NLGN1: variants seen among roughly 807,000 people sequenced by gnomAD.
NLGN1 encodes neuroligin 1, also known as neuroligin-1.
In NLGN1, 12 loss-of-function variants were observed where a neutral mutation model predicts 65.5. The ratio of observed to expected loss-of-function variants is 0.18; its 90% CI spans 0.12 to 0.30. The LOEUF is 0.30. Ranked by LOEUF, NLGN1 falls within the 10% of genes least tolerant of loss-of-function variation. The probability of loss-of-function intolerance (pLI) is 1.00; values close to 1 mark genes in which losing one functional copy is unlikely to be tolerated. For synonymous variants in NLGN1, 350 were observed against 359.5 expected (o/e 0.97, Z 0.30); for missense variants, 750 against 1,007.1 (o/e 0.74, Z 3.46).
At chr3:173,654,748 A>G (rs1560113058) in intron 3 of NLGN1, among the ~76,000 whole-genome samples, 1 of 152,180 alleles carries the variant, frequency 6.6e-6, no homozygotes, top group Admixed American at 6.6e-5. Flanking sequence ...TAAAATCAGC[A>G]TCTATAGATA....
intron 4 of NLGN1, among the ~76,000 whole-genome samples, chr3:174,231,745 A>C (rs1023026718): frequency 6.6e-6 from 1 of 152,094 alleles, no homozygotes; most frequent in Non-Finnish European, 1.5e-5. Context: ...TTAGCCTGGC[A>C]TGTTGCTCCC....
At chr3:174,208,926 T>C (rs577820157) in intron 4 of NLGN1, among the ~76,000 whole-genome samples, 1 of 152,230 alleles carries the variant, frequency 6.6e-6, no homozygotes, top group Non-Finnish European at 1.5e-5. Context: ...TTTTCTGTTG[T>C]TGTTGTTTCT....
intron 4 of NLGN1, among the ~76,000 whole-genome samples, chr3:174,201,491 G>T (rs554960613): frequency 2.6e-5 from 4 of 152,260 alleles, no homozygotes; most frequent in Middle Eastern, 3.4e-3. Flanking sequence ...CTGATTCTGG[G>T]TCTCCCACCT....
chr3:173,812,725 T>C (rs1446873010), intron 4 of NLGN1, among the ~76,000 whole-genome samples: 2 of 145,828 alleles, frequency 1.4e-5, no homozygotes, highest in African/African-American at 2.5e-5. Flanking sequence ...TGTGTGTATA[T>C]ACACGCACAC....
intron 3 of NLGN1, among the ~76,000 whole-genome samples, chr3:173,614,294 T>C (rs561340657): frequency 6.6e-6 from 1 of 152,198 alleles, no homozygotes; most frequent in East Asian, 1.9e-4. Context: ...TGTCGAGTAG[T>C]AGTAACTATA....
intron 5 of NLGN1, among the ~76,000 whole-genome samples, chr3:174,276,239 A>ATAT (rs1426403940): frequency 6.6e-6 from 1 of 151,814 alleles, no homozygotes; most frequent in Non-Finnish European, 1.5e-5. Context: ...TGGCTTTGAC[A>ATAT]TATTTTTTCC....
At position 173,988,430 on chromosome 3, in the gene NLGN1, A is replaced by G. The variant is rs548371650; in HGVS notation, c.646+180598A>G. On this transcript the variant is annotated intron_variant, in intron 4 of 6. Transcript: ENST00000457714. ...TTCTACTATGTTTATGTCATCAACAATCCTTTGTTAATAATCTGATTTTTT... is the reference window on the plus strand; with the variant it reads ...TTCTACTATGTTTATGTCATCAACAGTCCTTTGTTAATAATCTGATTTTTT... Among the ~76,000 whole-genome samples the G allele has an allele frequency of 5.4e-4, 82 of 152,314 alleles. No homozygotes were observed. In the South Asian group the frequency reaches 6.6e-3, roughly 12 times the overall value.
At chr3:174,127,907 A>G (rs1161712369) in intron 4 of NLGN1, among the ~76,000 whole-genome samples, 1 of 152,168 alleles carries the variant, frequency 6.6e-6, no homozygotes, top group Admixed American at 6.5e-5. Context: ...TGAATATAAT[A>G]TAGGGGTGGT....
At chr3:174,257,054 C>T (rs973225062) in intron 4 of NLGN1, among the ~76,000 whole-genome samples, 2 of 151,872 alleles carry the variant, frequency 1.3e-5, no homozygotes, top group Admixed American at 1.3e-4. Context: ...GAACTTAAAC[C>T]AATTTATAAG....
At chr3:173,588,791 G>C (rs6802851) in intron 2 of NLGN1, among the ~76,000 whole-genome samples, 1,600 of 152,264 alleles carry the variant, frequency 0.011, 39 homozygotes, top group African/African-American at 0.037. Context: ...CTTGCAGGCA[G>C]TCTGTCATCC....
chr3:173,754,290 C>T, intron 3 of NLGN1, among the ~76,000 whole-genome samples: 1 of 151,862 alleles, frequency 6.6e-6, no homozygotes, highest in East Asian at 1.9e-4. Context: ...AATCTACCCG[C>T]CTTGGGCTTC....
chr3:173,963,045 A>T (rs1713979593), intron 4 of NLGN1, among the ~76,000 whole-genome samples: 1 of 152,180 alleles, frequency 6.6e-6, no homozygotes, highest in Non-Finnish European at 1.5e-5. Context: ...AATAAAAATA[A>T]TAATTCCAAC....
chr3:173,847,865 C>G (rs552788116), intron 4 of NLGN1, among the ~76,000 whole-genome samples: 1 of 151,822 alleles, frequency 6.6e-6, no homozygotes, highest in Non-Finnish European at 1.5e-5. Context: ...GAGTGAAACT[C>G]CATTTCAAAA....
intron 4 of NLGN1, among the ~76,000 whole-genome samples, chr3:174,195,945 G>A (rs1401812613): frequency 6.6e-6 from 1 of 152,090 alleles, no homozygotes; most frequent in African/African-American, 2.4e-5. Flanking sequence ...GTAACTCTTA[G>A]GCATCAGTCA....
chr3:173,845,211 T>C (rs886850939), intron 4 of NLGN1, among the ~76,000 whole-genome samples: 5 of 152,324 alleles, frequency 3.3e-5, no homozygotes, highest in South Asian at 2.1e-4. Context: ...GTGGAACAAA[T>C]ATGTTTTTGA....
chr3:174,049,282 G>T (rs201900711), intron 4 of NLGN1, among the ~76,000 whole-genome samples: 1 of 152,042 alleles, frequency 6.6e-6, no homozygotes, highest in African/African-American at 2.4e-5. Context: ...TAATTCTAGA[G>T]TAAGAAAAGT....
At chr3:174,098,132 T>A (rs1432371244) in intron 4 of NLGN1, among the ~76,000 whole-genome samples, 1 of 152,228 alleles carries the variant, frequency 6.6e-6, no homozygotes, top group African/African-American at 2.4e-5. Context: ...ATCACCTTCA[T>A]AATGTTACTA....
At chr3:173,932,505 TTA>T (rs2152288938) in intron 4 of NLGN1, among the ~76,000 whole-genome samples, 2 of 133,386 alleles carry the variant, frequency 1.5e-5, no homozygotes, top group East Asian at 2.3e-4. Flanking sequence ...TGCACATTAT[TTA>T]AAAAAAAAAA....
rs1022049005 is a variant in NLGN1 at position 173,492,234 on chromosome 3, A to G, written c.-321+57156A>G. Among the ~76,000 whole-genome samples, 3 of 151,878 alleles carry G rather than the reference A, an allele frequency of 2.0e-5. 1 individual carries two copies. Among genetic ancestry groups the G allele is most frequent in the East Asian group, 1.9e-4 (1 of 5,198 alleles). ...CAGTATCTGACTTCTAGTAGGTGTC[A>G]ATGAGTGTTAACGTGTGTTATTACT... On this transcript the variant is annotated intron_variant, in intron 2 of 6. Transcript: ENST00000457714.
Sources: allele counts gnomAD v4.1 joint callset (sites outside exome capture counted in the v4.1 genomes callset), GRCh38; gene constraint gnomAD v4.1.1; transcripts MANE v1.5; gene names NCBI Gene and HGNC (gene_info 2026-07-23, HGNC 2026-07-21).